Variants in SARNP observed in about 807,000 individuals in gnomAD.
SARNP encodes the protein SAP domain-containing ribonucleoprotein.
Under a neutral mutation model 38.1 loss-of-function variants are expected in SARNP, and 5 were observed. The observed-to-expected ratio is 0.13, with a 90% CI of 0.07 to 0.28. SARNP has a LOEUF of 0.28. Ranked by LOEUF, SARNP falls within the 10% of genes least tolerant of loss-of-function variation. The pLI is 1.00. For synonymous variants in SARNP, 84 were observed against 80.6 expected (o/e 1.04, Z -0.23); for missense variants, 180 against 243.9 (o/e 0.74, Z 1.75).
At chr12:55,789,212 A>G (rs1879593196) in intron 8 of SARNP, 69 bp from the exon 9 acceptor site, 4 of 1,087,452 alleles carry the variant, frequency 3.7e-6, no homozygotes, top group Admixed American at 4.6e-5. Context: ...TGCAGAAACT[A>G]TAGTATGAAG....
intron 1 of SARNP, 46 bp from the exon 2 acceptor site, chr12:55,803,774 A>G: frequency 7.9e-7 from 1 of 1,267,300 alleles, no homozygotes; most frequent in Non-Finnish European, 1.1e-6. Context: ...CAGGATGAAC[A>G]CCAGTGAATA....
chr12:55,757,320 A>G lies in SARNP; in HGVS notation c.*192T>C. The G allele has an allele frequency of 2.4e-6, 1 of 417,824 alleles. No individual in the cohort carries two copies. The highest frequency in any genetic ancestry group is 2.0e-5 in the African/African-American group (1 of 49,000). The allele number at this position is 417,824 out of a possible 1,614,324, so 25.9% of individuals were successfully genotyped here. On this transcript the variant is annotated 3_prime_UTR_variant, in exon 11 of 11. Coordinates refer to ENST00000336133, the MANE Select transcript of SARNP (RefSeq NM_033082.4). ...ACAAGCAACATAATCAAAAACAAAA[A>G]CACAACAACCTTAAAGCTGAAACAG...
chr12:55,774,460 C>T (rs994229481), intron 9 of SARNP, among the ~76,000 whole-genome samples: 1 of 150,172 alleles, frequency 6.7e-6, no homozygotes, highest in Non-Finnish European at 1.5e-5. Context: ...TGGCTCATGC[C>T]TGTAATCCCA....
chr12:55,794,848 T>C lies in SARNP; in HGVS notation c.336A>G (p.Val112=). 1.2e-6 allele frequency: 2 copies of C among 1,609,274 alleles called. No individual in the cohort carries two copies. The highest frequency in any genetic ancestry group is 1.7e-6 in the Non-Finnish European group (2 of 1,178,528). Reference sequence around the variant, plus strand: ...CTTTCTTACTCTCCAAGCTCACAGGTACATTGAATCGTTCAGCCCTCTTCT... The same window carrying C: ...CTTTCTTACTCTCCAAGCTCACAGGCACATTGAATCGTTCAGCCCTCTTCT... ...RMQKRAERFN[V]PVSLESKKAA... Residue 112 remains valine (V), a synonymous_variant, in exon 6 of 11, where the codon GTA becomes GTG. Transcript: ENST00000336133.
intron 10 of SARNP, among the ~76,000 whole-genome samples, chr12:55,759,768 C>G (rs1878620228): frequency 6.6e-6 from 1 of 151,704 alleles, no homozygotes; most frequent in Non-Finnish European, 1.5e-5. Context: ...GACAGGGTCT[C>G]ACTCTATTGC....
chr12:55,791,331 T>C (rs1046642004), intron 7 of SARNP, among the ~76,000 whole-genome samples: 3 of 152,192 alleles, frequency 2.0e-5, no homozygotes, highest in African/African-American at 7.2e-5. Context: ...GTTATATAAA[T>C]TGCATCTCAG....
intron 9 of SARNP, among the ~76,000 whole-genome samples, chr12:55,776,406 AG>A (rs1198356129): frequency 6.6e-6 from 1 of 152,104 alleles, no homozygotes; most frequent in African/African-American, 2.4e-5. Flanking sequence ...GCACTCTATA[AG>A]TGAGACCACA....
intron 10 of SARNP, among the ~76,000 whole-genome samples, chr12:55,757,847 G>T (rs997687756): frequency 6.6e-6 from 1 of 152,162 alleles, no homozygotes; most frequent in African/African-American, 2.4e-5. Context: ...CTGAAGCAAA[G>T]AGAGCCACTC....
intron 9 of SARNP, among the ~76,000 whole-genome samples, chr12:55,784,602 C>T (rs1879434282): frequency 6.6e-6 from 1 of 152,214 alleles, no homozygotes; most frequent in Admixed American, 6.5e-5. Context: ...TTCTCAGCTA[C>T]AGATTAACAA....
Position 55,773,008 on chromosome 12 carries a change from C to CCCAT in SARNP, c.502-12369_502-12368insATGG, listed in dbSNP as rs1879057643. On this transcript the variant is annotated intron_variant, in intron 9 of 10. Transcript: ENST00000336133. ...GGGATTACAGGCGTGAGCCACCATG[C>CCCAT]CCAGCCTGGGAAGCTGAAACTTTTC... 2.0e-5 allele frequency among the ~76,000 whole-genome samples: 3 copies of CCCAT among 152,168 alleles called. No homozygotes were observed. The South Asian group carries it at 6.2e-4, about 31-fold the overall frequency.
chr12:55,809,172 C>G (rs779510005), intron 1 of SARNP, among the ~76,000 whole-genome samples: 1 of 152,118 alleles, frequency 6.6e-6, no homozygotes. Context: ...TGCCACTGCA[C>G]TCCAGCCTGG....
intron 1 of SARNP, 21 bp from the exon 2 acceptor site, chr12:55,803,749 CTT>C (rs1347111585): frequency 6.4e-7 from 1 of 1,570,924 alleles, no homozygotes; most frequent in Non-Finnish European, 8.8e-7. Flanking sequence ...AAAAATAAAA[CTT>C]TTCCTTAGTT....
chr12:55,790,541 G>GT, intron 8 of SARNP, 26 bp downstream of exon 8: 1 of 1,558,376 alleles, frequency 6.4e-7, no homozygotes, highest in South Asian at 1.2e-5. Flanking sequence ...ATCTGGGTGT[G>GT]TAAGAAATAA....
At chr12:55,796,652 C>T (rs1170021838) in intron 4 of SARNP, among the ~76,000 whole-genome samples, 1 of 152,190 alleles carries the variant, frequency 6.6e-6, no homozygotes, top group Non-Finnish European at 1.5e-5. Flanking sequence ...ATCCACCCAC[C>T]TCGGCCTCCC....
intron 9 of SARNP, chr12:55,762,080 G>A (rs1878692342): frequency 6.6e-6 from 1 of 152,202 alleles, no homozygotes; most frequent in Admixed American, 6.5e-5. Flanking sequence ...TTGAGGTCAG[G>A]AGTTGGAGAC....
At chr12:55,813,337 T>C (rs1427105849) in intron 1 of SARNP, among the ~76,000 whole-genome samples, 1 of 152,130 alleles carries the variant, frequency 6.6e-6, no homozygotes, top group Non-Finnish European at 1.5e-5. Context: ...GAAAGCTTCC[T>C]TGGGTAAATA....
intron 1 of SARNP, among the ~76,000 whole-genome samples, chr12:55,807,572 G>A (rs1301006013): frequency 6.6e-6 from 1 of 151,010 alleles, no homozygotes; most frequent in Admixed American, 6.6e-5. Context: ...AGAGGCCGAG[G>A]CAGGCGGATC....
At chr12:55,788,154 C>G (rs1879559507) in intron 9 of SARNP, among the ~76,000 whole-genome samples, 2 of 152,200 alleles carry the variant, frequency 1.3e-5, no homozygotes, top group Non-Finnish European at 2.9e-5. Flanking sequence ...TAAGAGACCA[C>G]CTGCTCTAGG....
chr12:55,788,278 C>T (rs1294786448), intron 9 of SARNP, among the ~76,000 whole-genome samples: 1 of 152,084 alleles, frequency 6.6e-6, no homozygotes, highest in Non-Finnish European at 1.5e-5. Flanking sequence ...AGTCATCTTG[C>T]TTAATAAACT....
Sources: gnomAD v4.1 joint callset for allele counts (sites outside exome capture counted in the v4.1 genomes callset) on GRCh38, gnomAD v4.1.1 for gene constraint, MANE v1.5 for transcripts, NCBI Gene and HGNC (gene_info 2026-07-23, HGNC 2026-07-21) for gene names.